The following FBXO11 variants were observed in gnomAD, a reference collection of about 807,000 sequenced individuals.
FBXO11 encodes the protein F-box only protein 11.
Under a neutral mutation model 117.0 loss-of-function variants are expected in FBXO11, and 13 were observed. The ratio of observed to expected loss-of-function variants is 0.11; its 90% confidence interval spans 0.07 to 0.18. FBXO11 has a LOEUF of 0.18. Ranked by LOEUF, FBXO11 falls within the 10% of genes least tolerant of loss-of-function variation. The pLI is 1.00. For missense variants in FBXO11, 767 were observed against 1,164.4 expected, an observed-to-expected ratio of 0.66 and a Z score of 4.97; for synonymous variants, 490 against 380.5, an observed-to-expected ratio of 1.29 and a Z score of -3.35.
At chr2:47,851,157 T>C (rs1278908812) in intron 1 of FBXO11, among the ~76,000 whole-genome samples, 4 of 152,118 alleles carry the variant, frequency 2.6e-5, no homozygotes, top group African/African-American at 9.7e-5. Context: ...TAGCCCCAAA[T>C]TAAGTCAAAC....
intron 1 of FBXO11, among the ~76,000 whole-genome samples, chr2:47,880,929 G>A (rs1286485613): frequency 6.7e-6 from 1 of 148,160 alleles, no homozygotes; most frequent in Non-Finnish European, 1.5e-5. Flanking sequence ...CCTTCTAAAG[G>A]TGAGTTAAGC....
rs551980791 is a variant in FBXO11, at chr2:47,858,540, G to C, written c.233-18771C>G. On this transcript the variant is annotated intron_variant, in intron 1 of 22. Transcript: ENST00000403359. ...CTACTAAAAATACAAAAATTAGCTG[G>C]GCATGGTAGCACATGCCTGTAATTC... Among the ~76,000 whole-genome samples the C allele has an allele frequency of 3.5e-3, 527 of 150,526 alleles. 5 individuals are homozygous for C. The highest frequency in any genetic ancestry group is 0.012 in the African/African-American group (497 of 41,102).
Position 47,833,242 on chromosome 2 carries a change from T to C in FBXO11, c.935-172A>G, listed in dbSNP as rs80232559. On this transcript the variant is annotated intron_variant, in intron 7 of 22. Coordinates refer to ENST00000403359, the MANE Select transcript of FBXO11 (RefSeq NM_001190274.2). Reference sequence around the variant, plus strand: ...TTGCTATATTCAAATCCATGCACAGTATTACTTCTAATAACATTTAACTAT... The same window carrying C: ...TTGCTATATTCAAATCCATGCACAGCATTACTTCTAATAACATTTAACTAT... Among the ~76,000 whole-genome samples the C allele has an allele frequency of 5.5e-3, 842 of 152,324 alleles. 9 individuals are homozygous for C. The highest frequency in any genetic ancestry group is 0.02 in the African/African-American group (811 of 41,586).
At position 47,901,169 on chromosome 2, in the gene FBXO11, A is replaced by G. The variant is rs1415542293; in HGVS notation, c.232+4320T>C. Among the ~76,000 whole-genome samples, 51 of 143,362 alleles carry G rather than the reference A, an allele frequency of 3.6e-4. 1 individual carries two copies. Among genetic ancestry groups the G allele is most frequent in the Non-Finnish European group, 7.1e-4 (46 of 64,800 alleles). 94.1% of individuals were successfully genotyped at this position (143,362 alleles called of 152,430 possible). A position where few individuals can be genotyped will look rare whatever the true frequency, so the allele number is the denominator to read the frequency against. On this transcript the variant is annotated intron_variant, in intron 1 of 22. Coordinates refer to ENST00000403359, the MANE Select transcript of FBXO11 (RefSeq NM_001190274.2). ...CACGTGTGTACATATATACATATAT[A>G]TGTATATATATGTGGGTACATATAT...
At position 47,900,646 on chromosome 2, in the gene FBXO11, ACACACG is replaced by A. The variant is rs1558486671; in HGVS notation, c.232+4837_232+4842del. Among the ~76,000 whole-genome samples, 61 of 90,708 alleles carry A rather than the reference ACACACG, an allele frequency of 6.7e-4. 4 individuals carry two copies. Among genetic ancestry groups the A allele is most frequent in the African/African-American group, 1.6e-3 (52 of 32,376 alleles). The allele number at this position is 90,708 out of a possible 152,430, so 59.5% of individuals were successfully genotyped here. ...CACGTATACACACACGTACGTATAT[ACACACG>A]TATACACACACGTACGTATATACAC... On this transcript the variant is annotated intron_variant, in intron 1 of 22. Transcript: ENST00000403359.
intron 11 of FBXO11, among the ~76,000 whole-genome samples, chr2:47,825,211 G>A (rs918503440): frequency 6.6e-6 from 1 of 152,060 alleles, no homozygotes; most frequent in African/African-American, 2.4e-5. Flanking sequence ...GTAGTTTTCA[G>A]ACTTCATTTT....
At chr2:47,813,425 A>ATTTTTTCTTTTTTTTTTT (rs1670764417) in intron 17 of FBXO11, 48 bp from the exon 18 acceptor site, 1 of 327,432 alleles carries the variant, frequency 3.1e-6, no homozygotes, top group African/African-American at 5.4e-5. Flanking sequence ...TTTCTTTTTA[A>ATTTTTTCTTTTTTTTTTT]TTTTTTTTTT....
chr2:47,867,925 ATTTT>A (rs767942625), intron 1 of FBXO11, among the ~76,000 whole-genome samples: 1 of 152,084 alleles, frequency 6.6e-6, no homozygotes, highest in Non-Finnish European at 1.5e-5. Flanking sequence ...AGAAACAACA[ATTTT>A]TTTTAAGTCT....
chr2:47,867,299 C>G (rs1026147001), intron 1 of FBXO11, among the ~76,000 whole-genome samples: 3 of 152,150 alleles, frequency 2.0e-5, no homozygotes, highest in Non-Finnish European at 4.4e-5. Flanking sequence ...GAATCATCCT[C>G]CACTGGAACT....
At chr2:47,812,361 C>A (rs1670678035) in intron 18 of FBXO11, among the ~76,000 whole-genome samples, 1 of 152,152 alleles carries the variant, frequency 6.6e-6, no homozygotes, top group Non-Finnish European at 1.5e-5. Context: ...TCTCCCAAAC[C>A]CAATTGCCAG....
intron 16 of FBXO11, among the ~76,000 whole-genome samples, chr2:47,817,967 G>T (rs1211303705): frequency 1.3e-5 from 2 of 152,286 alleles, no homozygotes; most frequent in East Asian, 1.9e-4. Flanking sequence ...GACCAATATG[G>T]AGAAACCCCA....
chr2:47,849,003 C>G (rs919301435), intron 1 of FBXO11, among the ~76,000 whole-genome samples: 5 of 152,096 alleles, frequency 3.3e-5, no homozygotes, highest in Non-Finnish European at 5.9e-5. Context: ...ATTTACTTAC[C>G]CATAGTCACA....
intron 1 of FBXO11, among the ~76,000 whole-genome samples, chr2:47,878,901 T>C (rs573853072): frequency 7.0e-4 from 106 of 151,898 alleles, no homozygotes; most frequent in Non-Finnish European, 1.2e-3. Context: ...ATCACTTGAA[T>C]TGGGGAGGCA....
intron 1 of FBXO11, among the ~76,000 whole-genome samples, chr2:47,860,908 G>A (rs565808666): frequency 2.8e-5 from 4 of 143,960 alleles, no homozygotes; most frequent in Admixed American, 7.1e-5. Flanking sequence ...GTGCAATGGC[G>A]CAATCTCGGC....
intron 1 of FBXO11, among the ~76,000 whole-genome samples, chr2:47,852,866 T>C (rs1023706964): frequency 2.0e-5 from 3 of 152,156 alleles, no homozygotes; most frequent in Admixed American, 6.5e-5. Flanking sequence ...AAAGAGAGGT[T>C]AGGCAACTCA....
In FBXO11 at chr2:47,847,227, A is replaced by T. The variant is rs190063634; in HGVS notation, c.233-7458T>A. On this transcript the variant is annotated intron_variant, in intron 1 of 22. Coordinates refer to ENST00000403359, the MANE Select transcript of FBXO11 (RefSeq NM_001190274.2). ...GCAACTGCACTCCAGCCTGAGTGAC[A>T]GAGTGAGACTCTGTCTCAAACAAAC... Among the ~76,000 whole-genome samples the T allele has an allele frequency of 2.2e-3, 329 of 152,326 alleles. 1 individual carries two copies. The highest frequency in any genetic ancestry group is 3.0e-3 in the Non-Finnish European group (202 of 68,022).
Position 47,905,818 on chromosome 2 carries a change from G to A in FBXO11, c.-98C>T, listed in dbSNP as rs947646209. On this transcript the variant is annotated 5_prime_UTR_variant, in exon 1 of 23. Coordinates refer to ENST00000403359, the MANE Select transcript of FBXO11 (RefSeq NM_001190274.2). ...GAAAGGGGTGGGGAGAGTGGGAGAG[G>A]GGGGAGGAAGGAGAGGGGGCGAGGG... 1.1e-5 allele frequency: 12 copies of A among 1,081,562 alleles called. No homozygotes were observed. Among genetic ancestry groups the A allele is most frequent in the African/African-American group, 3.4e-5 (2 of 59,214 alleles). 67.0% of individuals were successfully genotyped at this position (1,081,562 alleles called of 1,614,324 possible).
At chr2:47,885,494 G>C (rs1181315490) in intron 1 of FBXO11, among the ~76,000 whole-genome samples, 1 of 152,012 alleles carries the variant, frequency 6.6e-6, no homozygotes, top group Non-Finnish European at 1.5e-5. Context: ...AGAAACACTT[G>C]AACCCAGGAG....
intron 1 of FBXO11, among the ~76,000 whole-genome samples, chr2:47,862,953 G>T (rs1006396774): frequency 6.6e-6 from 1 of 151,448 alleles, no homozygotes; most frequent in Non-Finnish European, 1.5e-5. Context: ...TACTTGGGAG[G>T]CTAAGGCAGG....
Sources: allele counts gnomAD v4.1 joint callset (sites outside exome capture counted in the v4.1 genomes callset), GRCh38; gene constraint gnomAD v4.1.1; transcripts MANE v1.5; gene names NCBI Gene and HGNC (gene_info 2026-07-23, HGNC 2026-07-21).